The following NINL variants were observed in gnomAD, a reference collection of about 807,000 sequenced individuals.
NINL encodes ninein-like protein.
In NINL, 153 loss-of-function variants were observed where a neutral mutation model predicts 160.3. The ratio of observed to expected loss-of-function variants is 0.95; its 90% confidence interval spans 0.84 to 1.09. The LOEUF is 1.09. NINL is among the 50% of genes least tolerant of loss of function. The probability of loss-of-function intolerance (pLI) is 0.00; values close to 1 mark genes in which losing one functional copy is unlikely to be tolerated. For missense variants in NINL, 1,829 were observed against 1,764.0 expected (o/e 1.04, Z -0.66); for synonymous variants, 800 against 734.8 (o/e 1.09, Z -1.43).
chr20:25,570,893 G>T (rs1184951988), intron 1 of NINL, among the ~76,000 whole-genome samples: 2 of 151,712 alleles, frequency 1.3e-5, no homozygotes, highest in Non-Finnish European at 2.9e-5. Flanking sequence ...TGTAAAGACG[G>T]GGTTTCACCA....
rs769634916 is a variant in NINL at position 25,476,204 on chromosome 20, T to C, written c.3087A>G (p.Ala1029=). The C allele has an allele frequency of 6.2e-7, 1 of 1,614,168 alleles. No individual in the cohort carries two copies. Among genetic ancestry groups the C allele is most frequent in the South Asian group, 1.1e-5 (1 of 91,088 alleles). The part of the protein sequence containing the change: ...RGSLPSHLQL[A]DPQGSWQEQL... ...GCTCCTGCCAGGAACCCTGCGGGTC[T>C]GCGAGCTGGAGGTGGGATGGCAAGG... Residue 1029 remains alanine (A), a synonymous_variant, in exon 17 of 24, where the codon GCA becomes GCG. Transcript: ENST00000278886.
chr20:25,575,830 C>T (rs187426259), intron 1 of NINL, among the ~76,000 whole-genome samples: 247 of 152,254 alleles, frequency 1.6e-3, no homozygotes, highest in Non-Finnish European at 3.1e-3. Flanking sequence ...GCTGGCTTCA[C>T]CACCTGTTTC....
intron 18 of NINL, 93 bp downstream of exon 18, chr20:25,469,898 C>T: frequency 2.4e-6 from 2 of 826,786 alleles, no homozygotes; most frequent in Admixed American, 2.0e-5. Context: ...AATCTGAGAA[C>T]ACTTCCCACT....
chr20:25,558,366 C>A (rs1186727911), intron 1 of NINL, among the ~76,000 whole-genome samples: 1 of 152,132 alleles, frequency 6.6e-6, no homozygotes, highest in Admixed American at 6.5e-5. Context: ...CACCACCACA[C>A]TGGCTAATTT....
intron 22 of NINL, among the ~76,000 whole-genome samples, chr20:25,456,560 C>G (rs1355978861): frequency 6.7e-6 from 1 of 148,306 alleles, no homozygotes; most frequent in Non-Finnish European, 1.5e-5. Context: ...AAAAAAAACA[C>G]AAAAAACAAA....
intron 18 of NINL, among the ~76,000 whole-genome samples, chr20:25,469,195 TCC>T (rs2063020581): frequency 8.8e-6 from 1 of 113,748 alleles, no homozygotes; most frequent in African/African-American, 3.6e-5. Context: ...CCTTGCCCTG[TCC>T]CCCGACTCTC....
intron 1 of NINL, among the ~76,000 whole-genome samples, chr20:25,559,447 G>C (rs1418734829): frequency 2.0e-5 from 3 of 152,108 alleles, no homozygotes; most frequent in Admixed American, 2.0e-4. Context: ...CACCATGTTG[G>C]CCAGGATGGT....
At chr20:25,562,201 C>G in intron 1 of NINL, among the ~76,000 whole-genome samples, 1 of 141,526 alleles carries the variant, frequency 7.1e-6, no homozygotes, top group Non-Finnish European at 1.6e-5. Flanking sequence ...CGGCCAGCCG[C>G]CCCGTCCGGG....
intron 3 of NINL, 80 bp downstream of exon 3, chr20:25,517,673 T>A: frequency 9.1e-7 from 1 of 1,104,478 alleles, no homozygotes; most frequent in Non-Finnish European, 1.3e-6. Flanking sequence ...TCAGAACTGC[T>A]GGATTCTTTC....
intron 1 of NINL, among the ~76,000 whole-genome samples, chr20:25,562,804 C>T (rs1161894606): frequency 6.6e-6 from 1 of 151,986 alleles, no homozygotes; most frequent in African/African-American, 2.4e-5. Context: ...AAACAAAGTT[C>T]TTCAGACAGA....
intron 1 of NINL, among the ~76,000 whole-genome samples, chr20:25,544,494 C>T (rs1489067349): frequency 2.0e-5 from 3 of 152,046 alleles, no homozygotes; most frequent in East Asian, 1.9e-4. Flanking sequence ...GCTGAAAGGC[C>T]GCTATGGCAT....
At chr20:25,507,560 G>A (rs920080700) in intron 5 of NINL, among the ~76,000 whole-genome samples, 1 of 152,174 alleles carries the variant, frequency 6.6e-6, no homozygotes, top group Non-Finnish European at 1.5e-5. Context: ...CCCAGAGCAG[G>A]GACATGGCTG....
chr20:25,458,544 G>A lies in NINL; in HGVS notation c.3697-15C>T, dbSNP rs1388099835. The A allele has an allele frequency of 4.4e-6, 7 of 1,573,242 alleles. No individual in the cohort carries two copies. The highest frequency in any genetic ancestry group is 5.1e-6 in the Non-Finnish European group (6 of 1,166,112). On this transcript the variant is annotated splice_polypyrimidine_tract_variant and intron_variant, in intron 21 of 23. Coordinates refer to ENST00000278886, the MANE Select transcript of NINL (RefSeq NM_025176.6). ...GCTCCCTGCACCTGCATGGGGAAGG[G>A]GAGACAGCTCTGGTGGGGCTGCTGA... is the stretch of plus-strand genomic sequence containing the variant.
At chr20:25,549,214 G>C (rs1460956751) in intron 1 of NINL, among the ~76,000 whole-genome samples, 1 of 70,696 alleles carries the variant, frequency 1.4e-5, no homozygotes, top group African/African-American at 5.9e-5. Context: ...GCCTGACCCC[G>C]GCACCCACGG....
intron 1 of NINL, among the ~76,000 whole-genome samples, chr20:25,529,605 G>A (rs1326599405): frequency 1.3e-5 from 2 of 151,976 alleles, no homozygotes; most frequent in Non-Finnish European, 2.9e-5. Context: ...AATGAAAATG[G>A]ACAGAAAACC....
intron 5 of NINL, among the ~76,000 whole-genome samples, chr20:25,505,475 A>C (rs1568924970): frequency 6.6e-6 from 1 of 152,256 alleles, no homozygotes; most frequent in East Asian, 1.9e-4. Context: ...CTCAGCACAC[A>C]CACATAACTA....
intron 1 of NINL, among the ~76,000 whole-genome samples, chr20:25,548,446 C>A (rs1011302067): frequency 1.3e-5 from 2 of 152,180 alleles, no homozygotes; most frequent in Non-Finnish European, 2.9e-5. Flanking sequence ...AGCGTGCTGG[C>A]CTATGGGCTG....
intron 1 of NINL, among the ~76,000 whole-genome samples, chr20:25,536,308 A>G (rs2064555054): frequency 6.6e-6 from 1 of 152,236 alleles, no homozygotes; most frequent in African/African-American, 2.4e-5. Context: ...GGAGGTGACC[A>G]ACCCCAACAG....
intron 1 of NINL, among the ~76,000 whole-genome samples, chr20:25,533,137 G>A (rs185663977): frequency 9.9e-5 from 15 of 152,240 alleles, no homozygotes; most frequent in Non-Finnish European, 2.1e-4. Context: ...CATGAACCCC[G>A]CAGAACTGTG....
Sources: allele counts gnomAD v4.1 joint callset (sites outside exome capture counted in the v4.1 genomes callset), GRCh38; gene constraint gnomAD v4.1.1; transcripts MANE v1.5; gene names NCBI Gene and HGNC (gene_info 2026-07-23, HGNC 2026-07-21).